The following MKLN1 variants were observed in gnomAD, a reference collection of about 807,000 sequenced individuals.
MKLN1 encodes the protein muskelin.
Under a neutral mutation model 99.0 loss-of-function variants are expected in MKLN1, and 18 were observed. That is an observed-to-expected ratio of 0.18 (90% CI 0.13 to 0.27). The LOEUF (loss-of-function observed/expected upper bound fraction) is 0.27. Among genes scored for constraint, MKLN1 ranks in the 10% least tolerant of loss-of-function variants. The pLI is 1.00. For synonymous variants in MKLN1, 288 were observed against 293.2 expected, an observed-to-expected ratio of 0.98 and a Z score of 0.18; for missense variants, 621 against 875.9, an observed-to-expected ratio of 0.71 and a Z score of 3.67.
intron 1 of MKLN1, among the ~76,000 whole-genome samples, chr7:131,132,322 T>C (rs1243525005): frequency 6.6e-6 from 1 of 152,218 alleles, no homozygotes; most frequent in African/African-American, 2.4e-5. Context: ...TAACTGCTTA[T>C]ACCAGATGGA....
At position 131,397,278 on chromosome 7, in the gene MKLN1, T is replaced by C. The variant is rs766950310; in HGVS notation, c.412T>C (p.Ser138Pro). ...CRFIKIVPLL[S>P]WGPSFNFSIW... is the part of the protein sequence containing the mutation. ...TTTTCTCCTTAAAGTTCCACTCTTG[T>C]CCTGGGGACCCAGCTTTAACTTTAG... Residue 138 changes from serine to proline, a missense_variant, in exon 5 of 18, where the codon TCC becomes CCC. Physicochemically the swap from Ser to Pro is moderately conservative, Grantham distance 74. Around this residue, in one of 8 missense-constraint regions of MKLN1, gnomAD observed 361 missense variants for 540.8 expected, o/e 0.67. Coordinates refer to ENST00000352689, the MANE Select transcript of MKLN1 (RefSeq NM_013255.5). The C allele has an allele frequency of 8.7e-6, 14 of 1,608,672 alleles. No homozygotes were observed. The highest frequency in any genetic ancestry group is 6.8e-6 in the Non-Finnish European group (8 of 1,176,690).
At chr7:131,298,442 C>T (rs557107152) in intron 3 of MKLN1, among the ~76,000 whole-genome samples, 5 of 152,286 alleles carry the variant, frequency 3.3e-5, no homozygotes, top group African/African-American at 1.2e-4. Flanking sequence ...ATCTGGGGAA[C>T]ATTTTTTTGT....
chr7:131,469,689 A>T (rs1166429520), intron 15 of MKLN1, among the ~76,000 whole-genome samples: 1 of 152,204 alleles, frequency 6.6e-6, no homozygotes, highest in African/African-American at 2.4e-5. Context: ...TTTCCTACTC[A>T]AAGAAAATTC....
chr7:131,421,161 G>C (rs191993653), intron 8 of MKLN1, among the ~76,000 whole-genome samples: 5 of 152,224 alleles, frequency 3.3e-5, no homozygotes, highest in Admixed American at 2.0e-4. Flanking sequence ...TCTGAACTTG[G>C]TTTGGGCTCA....
At chr7:131,453,904 A>T (rs1796257817) in intron 12 of MKLN1, among the ~76,000 whole-genome samples, 1 of 152,160 alleles carries the variant, frequency 6.6e-6, no homozygotes, top group Non-Finnish European at 1.5e-5. Context: ...ACTTCGAAGA[A>T]AAAATAATTC....
At chr7:131,469,998 C>T (rs192492441) in intron 15 of MKLN1, among the ~76,000 whole-genome samples, 2 of 151,890 alleles carry the variant, frequency 1.3e-5, no homozygotes, top group East Asian at 3.9e-4. Flanking sequence ...ACCTTAGACT[C>T]TCGAGTAGCT....
intron 1 of MKLN1, among the ~76,000 whole-genome samples, chr7:131,133,444 C>G (rs1219347837): frequency 6.8e-6 from 1 of 147,334 alleles, no homozygotes; most frequent in Non-Finnish European, 1.5e-5. Context: ...AACCTCCGCT[C>G]CCAGGTTCAA....
intron 2 of MKLN1, among the ~76,000 whole-genome samples, chr7:131,172,806 G>C (rs1022337961): frequency 2.0e-5 from 3 of 152,194 alleles, no homozygotes; most frequent in Non-Finnish European, 2.9e-5. Flanking sequence ...AATGCTGTCA[G>C]ATGCAACTGG....
At chr7:131,158,041 G>T (rs549575209) in intron 2 of MKLN1, among the ~76,000 whole-genome samples, 1 of 152,252 alleles carries the variant, frequency 6.6e-6, no homozygotes, top group African/African-American at 2.4e-5. Context: ...ACAATCCTCC[G>T]CAAGCTCTTC....
At chr7:131,123,022 CAAAAAAAAA>C (rs59581806) in intron 1 of MKLN1, among the ~76,000 whole-genome samples, 7 of 60,396 alleles carry the variant, frequency 1.2e-4, no homozygotes, top group Non-Finnish European at 1.7e-4. Flanking sequence ...GACTCCGTCT[CAAAAAAAAA>C]AAAAAAAAAA....
chr7:131,463,386 T>C (rs1050720087), intron 13 of MKLN1, 22 bp downstream of exon 13: 4 of 1,600,306 alleles, frequency 2.5e-6, no homozygotes, highest in Admixed American at 1.7e-5. Context: ...TTGTCTCTGC[T>C]GCAATCCCAA....
At chr7:131,309,208 C>T (rs1002644315) in intron 3 of MKLN1, among the ~76,000 whole-genome samples, 1 of 152,198 alleles carries the variant, frequency 6.6e-6, no homozygotes, top group Non-Finnish European at 1.5e-5. Context: ...GAGGGTCTAA[C>T]TACTAGGAGC....
intron 1 of MKLN1, among the ~76,000 whole-genome samples, chr7:131,340,960 T>C (rs1196843678): frequency 3.3e-5 from 5 of 152,190 alleles, no homozygotes; most frequent in Non-Finnish European, 7.3e-5. Context: ...TTTAAATCTT[T>C]GAGTTTTAAA....
At chr7:131,213,392 G>A (rs751335055) in intron 3 of MKLN1, among the ~76,000 whole-genome samples, 1 of 152,094 alleles carries the variant, frequency 6.6e-6, no homozygotes, top group Non-Finnish European at 1.5e-5. Flanking sequence ...TTTTTAGTTT[G>A]TTGTCAGTGA....
At chr7:131,262,621 G>A (rs901157718) in intron 3 of MKLN1, among the ~76,000 whole-genome samples, 9 of 151,000 alleles carry the variant, frequency 6.0e-5, no homozygotes, top group Non-Finnish European at 8.8e-5. Flanking sequence ...TGCGATCTCC[G>A]CTCACTGCAA....
Position 131,163,834 on chromosome 7 carries a change from T to G in MKLN1, c.-297+20893T>G, listed in dbSNP as rs150458612. ...CTAGTTGTTAAATGCTATGACAATT[T>G]TATTTGCATTTTACATATATTATAC... On this transcript the variant is annotated intron_variant, in intron 2 of 7. Coordinates refer to the MKLN1 transcript ENST00000416992. 7.7e-3 allele frequency among the ~76,000 whole-genome samples: 1,172 copies of G among 152,372 alleles called. 15 individuals are homozygous for G. Among genetic ancestry groups the G allele is most frequent in the African/African-American group, 0.027 (1,113 of 41,586 alleles).
rs552861155 is a variant in MKLN1 at position 131,468,365 on chromosome 7, G to T, written c.1928+1950G>T. Among the ~76,000 whole-genome samples, 23 of 152,246 alleles carry T rather than the reference G, an allele frequency of 1.5e-4. 1 individual carries two copies. The East Asian group carries it at 3.9e-3, about 26-fold the overall frequency. On this transcript the variant is annotated intron_variant, in intron 15 of 17. Coordinates refer to ENST00000352689, the MANE Select transcript of MKLN1 (RefSeq NM_013255.5). ...AGAAGAAGTTTGTGTCTATGAATTG[G>T]GTAGAACACAGAAATTGCCTTTTTA...
intron 3 of MKLN1, chr7:131,243,003 A>G (rs1375756301): frequency 3.3e-6 from 2 of 599,716 alleles, no homozygotes; most frequent in Non-Finnish European, 6.4e-6. Flanking sequence ...GCGGTTTTAG[A>G]TGCTTCGTTT....
In MKLN1 at chr7:131,367,266, G is replaced by A. The variant is rs1482604814; in HGVS notation, c.99-8158G>A. Among the ~76,000 whole-genome samples the A allele has an allele frequency of 3.9e-5, 6 of 152,246 alleles. No homozygotes were observed. In the East Asian group the frequency reaches 1.2e-3, roughly 29 times the overall value. Reference sequence around the variant, plus strand: ...ATATTAAACTAACCTGATGGAAATAGGTAGCCATTTTAGTCTTCAGCCCAA... The same window carrying A: ...ATATTAAACTAACCTGATGGAAATAAGTAGCCATTTTAGTCTTCAGCCCAA... On this transcript the variant is annotated intron_variant, in intron 1 of 17. Transcript: ENST00000352689.
Sources: allele counts gnomAD v4.1 joint callset (sites outside exome capture counted in the v4.1 genomes callset), GRCh38; gene constraint gnomAD v4.1.1; regional missense constraint gnomAD v4.1.1; transcripts MANE v1.5; gene names NCBI Gene and HGNC (gene_info 2026-07-23, HGNC 2026-07-21).